PRIM2: variants seen among roughly 807,000 people sequenced by gnomAD.
PRIM2 encodes the protein DNA primase large subunit.
In PRIM2, 39 loss-of-function variants were observed where a neutral mutation model predicts 67.3. The ratio of observed to expected loss-of-function variants is 0.58; its 90% CI spans 0.45 to 0.76. PRIM2 has a LOEUF of 0.76. Ranked by LOEUF, PRIM2 falls within the 30% of genes least tolerant of loss-of-function variation. PRIM2 has a pLI of 0.00. For missense variants in PRIM2, 398 were observed against 598.7 expected, an observed-to-expected ratio of 0.66 and a Z score of 3.50; for synonymous variants, 143 against 198.7, an observed-to-expected ratio of 0.72 and a Z score of 2.36.
rs537647650 is a variant in PRIM2, at chr6:57,391,371, G to A, written c.693+9203G>A. Among the ~76,000 whole-genome samples the A allele has an allele frequency of 2.0e-5, 3 of 150,686 alleles. No individual in the cohort carries two copies. In the East Asian group the frequency reaches 5.8e-4, roughly 29 times the overall value. On this transcript the variant is annotated intron_variant, in intron 7 of 13. Transcript: ENST00000615550. ...TGATAATTTCTTTTGCTGTGCAGAA[G>A]CTGTTAAGTTTAGTTAGATCCCATT... is the stretch of plus-strand genomic sequence containing the variant.
At chr6:57,592,145 A>G (rs1776291708) in intron 10 of PRIM2, among the ~76,000 whole-genome samples, 1 of 152,144 alleles carries the variant, frequency 6.6e-6, no homozygotes, top group African/African-American at 2.4e-5. Context: ...AAATATGGGA[A>G]TAATAGACAC....
chr6:57,322,796 C>T (rs974798445), intron 3 of PRIM2, among the ~76,000 whole-genome samples: 9 of 152,128 alleles, frequency 5.9e-5, no homozygotes, highest in Non-Finnish European at 7.4e-5. Context: ...CATGTGTATG[C>T]GGAAGCTTGG....
intron 5 of PRIM2, among the ~76,000 whole-genome samples, chr6:57,360,860 C>T (rs1482288322): frequency 1.3e-5 from 2 of 152,078 alleles, no homozygotes; most frequent in Non-Finnish European, 2.9e-5. Context: ...GAACAAGTGA[C>T]ATATTTTGAG....
the PRIM2 span, among the ~76,000 whole-genome samples, chr6:57,289,530 A>G: frequency 3.6e-3 from 545 of 152,264 alleles, 4 homozygotes; most frequent in African/African-American, 0.012. Context: ...GAAATGAAGG[A>G]AAAAATGTTA....
At chr6:57,349,301 A>G (rs1768782752) in intron 5 of PRIM2, among the ~76,000 whole-genome samples, 1 of 151,220 alleles carries the variant, frequency 6.6e-6, no homozygotes, top group Non-Finnish European at 1.5e-5. Context: ...CTGATGTGGT[A>G]TTTGAAACAC....
the PRIM2 span, among the ~76,000 whole-genome samples, chr6:57,275,699 A>G: frequency 6.6e-6 from 1 of 152,212 alleles, no homozygotes; most frequent in Admixed American, 6.5e-5. Flanking sequence ...TTTCATTGCC[A>G]GCCTAACACA....
chr6:57,462,821 C>T (rs2127398026), intron 7 of PRIM2, among the ~76,000 whole-genome samples: 1 of 152,212 alleles, frequency 6.6e-6, no homozygotes, highest in African/African-American at 2.4e-5. Flanking sequence ...TTATCTGATT[C>T]CTCTTGAAAG....
At chr6:57,352,211 C>T (rs1482082079) in intron 5 of PRIM2, among the ~76,000 whole-genome samples, 1 of 152,090 alleles carries the variant, frequency 6.6e-6, no homozygotes, top group Non-Finnish European at 1.5e-5. Context: ...ATGTAATTCA[C>T]GTTTGAGTAT....
intron 10 of PRIM2, among the ~76,000 whole-genome samples, chr6:57,544,416 T>C (rs1742518240): frequency 6.6e-6 from 1 of 152,156 alleles, no homozygotes; most frequent in Admixed American, 6.5e-5. Flanking sequence ...GCCCTTTGGA[T>C]TTAGGAAGTT....
chr6:57,429,117 A>G (rs1459630830), intron 7 of PRIM2, among the ~76,000 whole-genome samples: 1 of 152,232 alleles, frequency 6.6e-6, no homozygotes, highest in Non-Finnish European at 1.5e-5. Flanking sequence ...CTGTTGTTAA[A>G]GAAAAAACTT....
chr6:57,375,182 A>G (rs1406093614), intron 5 of PRIM2, among the ~76,000 whole-genome samples: 2 of 152,252 alleles, frequency 1.3e-5, no homozygotes, highest in Admixed American at 6.5e-5. Flanking sequence ...TTGCCCATTC[A>G]GTATGATATT....
At chr6:57,552,715 AT>A (rs1242822252) in intron 10 of PRIM2, among the ~76,000 whole-genome samples, 44 of 150,698 alleles carry the variant, frequency 2.9e-4, no homozygotes, top group East Asian at 7.8e-4. Flanking sequence ...TGGTTGAGAC[AT>A]TTTTTTTTAG....
chr6:57,455,719 A>C (rs905598635), intron 7 of PRIM2, among the ~76,000 whole-genome samples: 4 of 152,166 alleles, frequency 2.6e-5, no homozygotes, highest in Non-Finnish European at 5.9e-5. Context: ...CAGCCCATTG[A>C]TTGGTCTTGA....
intron 7 of PRIM2, among the ~76,000 whole-genome samples, chr6:57,463,799 C>T (rs1368217366): frequency 6.6e-6 from 1 of 152,080 alleles, no homozygotes; most frequent in African/African-American, 2.4e-5. Context: ...GGTGCCATCC[C>T]GGGGTGGGTT....
In PRIM2 at chr6:57,368,006, A is replaced by G. The variant is rs1296150459; in HGVS notation, c.460-11895A>G. The stretch of plus-strand genomic sequence containing the variant: ...TGTACTCCAGATTGATGATTACATC[A>G]CAGTGCATTTGGGAAACAAATTGCC... On this transcript the variant is annotated intron_variant, in intron 5 of 13. Transcript: ENST00000615550. 2.0e-5 allele frequency among the ~76,000 whole-genome samples: 3 copies of G among 152,242 alleles called. No individual in the cohort carries two copies. The South Asian group carries it at 6.2e-4, about 31-fold the overall frequency.
chr6:57,642,027 T>TA (rs1310910144), intron 13 of PRIM2, among the ~76,000 whole-genome samples: 15 of 152,198 alleles, frequency 9.9e-5, no homozygotes, highest in African/African-American at 3.4e-4. Context: ...GTGGCACATA[T>TA]ACAACATGGA....
chr6:57,606,397 T>G lies in PRIM2; in HGVS notation c.1170T>G (p.Asp390Glu). ...CAGGGTGCCCATTCCGTCACAGTGA[T>G]CCAGAGCTGCTGAAGCAAAAGTTGC... is the stretch of plus-strand genomic sequence containing the variant. Reference protein sequence around the residue: ...DYHGCPFRHSDPELLKQKLQS... With the variant: ...DYHGCPFRHSEPELLKQKLQS... The change falls in exon 12 of 14, where the codon GAT becomes GAG. Residue 390 changes from aspartate (D) to glutamate (E), a missense_variant. Transcript: ENST00000615550. The G allele has an allele frequency of 6.3e-7, 1 of 1,598,522 alleles. No individual in the cohort carries two copies. The highest frequency in any genetic ancestry group is 8.5e-7 in the Non-Finnish European group (1 of 1,171,622).
chr6:57,271,428 A>T, the PRIM2 span, among the ~76,000 whole-genome samples: 1 of 152,188 alleles, frequency 6.6e-6, no homozygotes, highest in Non-Finnish European at 1.5e-5. Flanking sequence ...AGGTGTTTAT[A>T]GTATTCTCTG....
chr6:57,289,349 G>A, the PRIM2 span, among the ~76,000 whole-genome samples: 134 of 152,296 alleles, frequency 8.8e-4, 1 homozygote, highest in African/African-American at 3.0e-3. Context: ...TGAAAGTGAC[G>A]GGGAGAATGG....
Sources: gnomAD v4.1 joint callset for allele counts (sites outside exome capture counted in the v4.1 genomes callset) on GRCh38, gnomAD v4.1.1 for gene constraint, MANE v1.5 for transcripts, NCBI Gene and HGNC (gene_info 2026-07-23, HGNC 2026-07-21) for gene names.